The following ZNF100 variants were observed in gnomAD, a reference collection of about 807,000 sequenced individuals.
The protein encoded by ZNF100 is zinc finger protein 100 (Y1).
A neutral mutation model predicts 15.8 loss-of-function variants in ZNF100; 12 were observed. The ratio of observed to expected loss-of-function variants is 0.76; its 90% CI spans 0.49 to 1.23. The LOEUF (loss-of-function observed/expected upper bound fraction) is 1.23. Among genes scored for constraint, ZNF100 ranks in the 50% most tolerant of loss-of-function variants. The pLI is 0.00. For missense variants in ZNF100, 670 were observed against 635.6 expected (o/e 1.05, Z -0.58); for synonymous variants, 226 against 214.8 (o/e 1.05, Z -0.45).
intron 4 of ZNF100, among the ~76,000 whole-genome samples, chr19:21,738,248 CAAAAAAAAAAAAAAAAAAAAAA>C (rs769582572): frequency 7.0e-5 from 3 of 42,992 alleles, no homozygotes; most frequent in South Asian, 1.7e-3. Context: ...GACACTATGT[CAAAAAAAAAAAAAAAAAAAAAA>C]AAAAAAAAAA....
At chr19:21,765,309 C>T (rs1355995671) in intron 2 of ZNF100, among the ~76,000 whole-genome samples, 1 of 152,098 alleles carries the variant, frequency 6.6e-6, no homozygotes, top group Non-Finnish European at 1.5e-5. Flanking sequence ...CAAGTCAGGT[C>T]ATTCAATCAC....
chr19:21,741,670 T>C (rs2036111449), intron 4 of ZNF100, among the ~76,000 whole-genome samples: 1 of 151,776 alleles, frequency 6.6e-6, no homozygotes. Flanking sequence ...CCACCACGCC[T>C]GGCATGTAAA....
At chr19:21,757,279 A>C (rs1324382772) in intron 2 of ZNF100, among the ~76,000 whole-genome samples, 1 of 152,218 alleles carries the variant, frequency 6.6e-6, no homozygotes, top group African/African-American at 2.4e-5. Flanking sequence ...CTCTACTAAA[A>C]ATACAAGAAT....
intron 4 of ZNF100, among the ~76,000 whole-genome samples, chr19:21,734,157 C>T (rs1434277925): frequency 2.6e-5 from 4 of 152,156 alleles, no homozygotes; most frequent in African/African-American, 9.7e-5. Context: ...TGTCTCTACT[C>T]CTCCAAATAA....
intron 4 of ZNF100, among the ~76,000 whole-genome samples, chr19:21,733,647 G>C (rs984488798): frequency 2.6e-5 from 4 of 152,278 alleles, no homozygotes; most frequent in African/African-American, 9.6e-5. Context: ...TGAGGAATCT[G>C]GGCAGTCCAG....
chr19:21,742,733 A>G (rs1489113462), intron 4 of ZNF100, among the ~76,000 whole-genome samples: 4 of 152,168 alleles, frequency 2.6e-5, no homozygotes, highest in East Asian at 3.8e-4. Flanking sequence ...AACCATAAAC[A>G]CTACATTGAA....
At chr19:21,732,263 T>G (rs2035933569) in intron 4 of ZNF100, among the ~76,000 whole-genome samples, 1 of 152,230 alleles carries the variant, frequency 6.6e-6, no homozygotes, top group Non-Finnish European at 1.5e-5. Context: ...CAATATTATC[T>G]TCAAATCCCA....
At chr19:21,746,521 T>G (rs909659680) in intron 2 of ZNF100, among the ~76,000 whole-genome samples, 1 of 152,192 alleles carries the variant, frequency 6.6e-6, no homozygotes, top group Non-Finnish European at 1.5e-5. Context: ...ATCTTGAGTA[T>G]CCACATCCTT....
chr19:21,727,542 C>G lies in ZNF100; in HGVS notation c.770G>C (p.Gly257Ala). 1 of 1,613,856 alleles carries G rather than the reference C, an allele frequency of 6.2e-7. No individual in the cohort carries two copies. The highest frequency in any genetic ancestry group is 1.7e-4 in the Middle Eastern group (1 of 6,060). Residue 257 changes from glycine to alanine, a missense_variant, in exon 5 of 5, where the codon GGA (glycine) becomes GCA (alanine). Physicochemically the swap from Gly to Ala is moderately conservative, Grantham distance 60. Coordinates refer to ENST00000358296, the MANE Select transcript of ZNF100 (RefSeq NM_173531.4). ...TLTTHRRIHT[G>A]EKPYKCEECG... is the part of the protein sequence containing the mutation. ...TTCTTCACATTTGTAGGGTTTCTCT[C>G]CAGTATGAATTCTCCTGTGTGTAGT...
At position 21,744,054 on chromosome 19, in the gene ZNF100, C is replaced by G. The variant is rs1165427141; in HGVS notation, c.285G>C (p.Trp95Cys). Residue 95 changes from tryptophan (W) to cysteine (C), a missense_variant, in exon 4 of 5, where the codon TGG becomes TGC. Coordinates refer to ENST00000358296, the MANE Select transcript of ZNF100 (RefSeq NM_173531.4). ...CTACCATCTCATGTCTCTTTATATTCCAGGGCTCTTTTCCTTGCTCCAGAC... is the reference window on the plus strand; with the variant it reads ...CTACCATCTCATGTCTCTTTATATTGCAGGGCTCTTTTCCTTGCTCCAGAC... The part of the protein sequence containing the change: ...ITCLEQGKEP[W>C]NIKRHEMVAK... The G allele has an allele frequency of 3.7e-6, 6 of 1,612,712 alleles. No individual in the cohort carries two copies. The Admixed American group carries it at 1.0e-4, about 27-fold the overall frequency.
chr19:21,724,365 T>C lies in ZNF100; in HGVS notation c.*2318A>G, dbSNP rs1277957203. The C allele has an allele frequency of 6.6e-6, 1 of 151,054 alleles. No homozygotes were observed. Among genetic ancestry groups the C allele is most frequent in the Non-Finnish European group, 1.5e-5 (1 of 68,024 alleles). 9.4% of individuals were successfully genotyped at this position (151,054 alleles called of 1,614,324 possible). Reference sequence around the variant, plus strand: ...CTTAAGGTTTATCTTTAGACTAACATATATTTAACTATATGTAAATCAAAA... The same window carrying C: ...CTTAAGGTTTATCTTTAGACTAACACATATTTAACTATATGTAAATCAAAA... On this transcript the variant is annotated 3_prime_UTR_variant, in exon 5 of 5. Coordinates refer to ENST00000358296, the MANE Select transcript of ZNF100 (RefSeq NM_173531.4).
Position 21,767,569 on chromosome 19 carries a change from G to T in ZNF100, c.-140C>A. ...AAACCTGGAGCTCCGGCTACAGCGAGAGACAAAGACCCCGCCAAACCCGGA... is the reference window on the plus strand; with the variant it reads ...AAACCTGGAGCTCCGGCTACAGCGATAGACAAAGACCCCGCCAAACCCGGA... On this transcript the variant is annotated 5_prime_UTR_variant, in exon 1 of 5. Coordinates refer to ENST00000358296, the MANE Select transcript of ZNF100 (RefSeq NM_173531.4). 7.3e-7 allele frequency: 1 copy of T among 1,368,720 alleles called. No individual in the cohort carries two copies. The highest frequency in any genetic ancestry group is 1.4e-5 in the South Asian group (1 of 73,562). 84.8% of individuals were successfully genotyped at this position (1,368,720 alleles called of 1,614,324 possible). A position where few individuals can be genotyped will look rare whatever the true frequency, so the allele number is the denominator to read the frequency against.
intron 4 of ZNF100, among the ~76,000 whole-genome samples, chr19:21,732,590 G>A (rs1413750648): frequency 6.6e-6 from 1 of 151,086 alleles, no homozygotes; most frequent in Non-Finnish European, 1.5e-5. Context: ...CTGGTGTTAG[G>A]TGTCATACCT....
intron 2 of ZNF100, among the ~76,000 whole-genome samples, chr19:21,747,206 G>C (rs962379815): frequency 1.4e-4 from 21 of 152,122 alleles, no homozygotes; most frequent in African/African-American, 5.1e-4. Context: ...ACCCTTTAGT[G>C]CAAAGGTGGC....
chr19:21,767,244 G>A (rs1024121311), intron 1 of ZNF100, among the ~76,000 whole-genome samples, 183 bp downstream of exon 1: 1 of 152,188 alleles, frequency 6.6e-6, no homozygotes, highest in African/African-American at 2.4e-5. Context: ...GAGAAAGGAC[G>A]CCTGGGGTCC....
At chr19:21,753,734 G>T (rs1428501405) in intron 2 of ZNF100, among the ~76,000 whole-genome samples, 1 of 152,182 alleles carries the variant, frequency 6.6e-6, no homozygotes, top group Non-Finnish European at 1.5e-5. Context: ...TTGCAGAGCT[G>T]TGCTCTATAT....
At chr19:21,731,900 G>A (rs1167676722) in intron 4 of ZNF100, among the ~76,000 whole-genome samples, 1 of 152,132 alleles carries the variant, frequency 6.6e-6, no homozygotes, top group African/African-American at 2.4e-5. Flanking sequence ...AAACATTCTA[G>A]GGGTATGCTG....
rs188805983 is a variant in ZNF100 at position 21,739,977 on chromosome 19, T to C, written c.322+4040A>G. Among the ~76,000 whole-genome samples, 127 of 152,326 alleles carry C rather than the reference T, an allele frequency of 8.3e-4. 2 individuals carry two copies. The East Asian group carries it at 0.015, about 18-fold the overall frequency. On this transcript the variant is annotated intron_variant, in intron 4 of 4. Coordinates refer to ENST00000358296, the MANE Select transcript of ZNF100 (RefSeq NM_173531.4). ...TATAAAAATCTCAATAGCACAGTTA[T>C]TACAGAAATATTCTTTAAAATTTTT... is the stretch of plus-strand genomic sequence containing the variant.
intron 2 of ZNF100, among the ~76,000 whole-genome samples, chr19:21,746,473 C>CAT (rs772834786): frequency 2.0e-4 from 30 of 152,132 alleles, no homozygotes; most frequent in Non-Finnish European, 1.3e-4. Flanking sequence ...CTCAACATTA[C>CAT]ATATTCTCCA....
Sources: allele counts gnomAD v4.1 joint callset (sites outside exome capture counted in the v4.1 genomes callset), GRCh38; gene constraint gnomAD v4.1.1; transcripts MANE v1.5; gene names NCBI Gene and HGNC (gene_info 2026-07-23, HGNC 2026-07-21).